Variants in USP50 observed in about 807,000 individuals in gnomAD.
The protein encoded by USP50 is ubiquitin carboxyl-terminal hydrolase 50.
In USP50, 37 loss-of-function variants were observed where a neutral mutation model predicts 39.2. That is an observed-to-expected ratio of 0.94 (90% CI 0.73 to 1.24). The LOEUF (loss-of-function observed/expected upper bound fraction) is 1.24, where lower values mean the gene tolerates loss of function less well. Ranked by LOEUF, USP50 falls within the 50% of genes most tolerant of loss-of-function variation. The probability of loss-of-function intolerance (pLI) is 0.00; values close to 1 mark genes in which losing one functional copy is unlikely to be tolerated. For synonymous variants in USP50, 139 were observed against 144.5 expected (o/e 0.96, Z 0.27); for missense variants, 374 against 398.2 (o/e 0.94, Z 0.52).
intron 6 of USP50, chr15:50,508,069 C>CAAAAAAAAAAA: frequency 1.5e-5 from 1 of 66,724 alleles, no homozygotes; most frequent in Non-Finnish European, 2.7e-5. Flanking sequence ...GACTCTGTCT[C>CAAAAAAAAAAA]AAAAAAAAAA....
At chr15:50,504,787 G>C (rs1371780894) in intron 6 of USP50, 1 of 151,516 alleles carries the variant, frequency 6.6e-6, no homozygotes, top group African/African-American at 2.4e-5. Flanking sequence ...AGACCAACCT[G>C]GTACACATGG....
chr15:50,519,334 A>G (rs1467467268), intron 6 of USP50, among the ~76,000 whole-genome samples: 3 of 152,084 alleles, frequency 2.0e-5, no homozygotes, highest in Non-Finnish European at 4.4e-5. Flanking sequence ...AAAGGACATG[A>G]ATACACATTT....
At chr15:50,494,843 C>T (rs1055116477) in intron 1 of USP50, among the ~76,000 whole-genome samples, 1 of 151,970 alleles carries the variant, frequency 6.6e-6, no homozygotes, top group African/African-American at 2.4e-5. Context: ...GGCAAAACCT[C>T]GTCTCTACTA....
chr15:50,496,130 C>A (rs536178266), downstream of USP50: 7 of 1,430,286 alleles, frequency 4.9e-6, no homozygotes, highest in African/African-American at 8.5e-5. Flanking sequence ...GATAAAAATG[C>A]TGTTTTTATG....
intron 6 of USP50, among the ~76,000 whole-genome samples, chr15:50,514,809 T>G (rs1406146204): frequency 6.6e-6 from 1 of 151,912 alleles, no homozygotes; most frequent in Non-Finnish European, 1.5e-5. Context: ...ATTACAGGCG[T>G]GAGCCACCAC....
intron 6 of USP50, among the ~76,000 whole-genome samples, chr15:50,524,201 G>A (rs1187563832): frequency 2.6e-5 from 4 of 152,180 alleles, no homozygotes; most frequent in East Asian, 1.9e-4. Flanking sequence ...GCTACACAGC[G>A]TTGGCCTAGA....
intron 6 of USP50, among the ~76,000 whole-genome samples, chr15:50,525,808 ATTAATG>A (rs1389777298): frequency 0.08 from 2,542 of 31,736 alleles, 80 homozygotes; most frequent in African/African-American, 0.22. Context: ...TAAAAATAAT[ATTAATG>A]AGTTTAAAAG....
At position 50,531,799 on chromosome 15, in the gene USP50, C is replaced by T. The variant is rs541006277; in HGVS notation, c.804-1870G>A. ...GAGACATCTAGTTTTCAGTTCAACACGTAAGGAAACTTTGAAGTCACCATT... is the reference window on the plus strand; with the variant it reads ...GAGACATCTAGTTTTCAGTTCAACATGTAAGGAAACTTTGAAGTCACCATT... On this transcript the variant is annotated intron_variant, in intron 5 of 6. Coordinates refer to ENST00000532404, the MANE Select transcript of USP50 (RefSeq NM_203494.5). Among the ~76,000 whole-genome samples the T allele has an allele frequency of 2.6e-5, 4 of 152,224 alleles. No homozygotes were observed. The South Asian group carries it at 6.2e-4, about 24-fold the overall frequency.
rs377262490 is a variant in USP50, at chr15:50,545,908, G to A, written c.53+565C>T. Among the ~76,000 whole-genome samples the A allele has an allele frequency of 1.0e-3, 155 of 151,360 alleles. 4 individuals are homozygous for A. In the South Asian group the frequency reaches 0.025, roughly 24 times the overall value. ...CATGCAAGCTACTTGACACAGGTTC[G>A]TCTAAATGACAACTGAAAAATTTTT... On this transcript the variant is annotated intron_variant, in intron 1 of 6. Transcript: ENST00000532404.
At chr15:50,500,873 A>G in intron 6 of USP50, 36 bp from the exon 7 acceptor site, 1 of 1,497,464 alleles carries the variant, frequency 6.7e-7, no homozygotes, top group East Asian at 2.4e-5. Flanking sequence ...TAGTATTCAC[A>G]TATGAACACT....
chr15:50,495,793 A>C, downstream of USP50: 2 of 1,386,032 alleles, frequency 1.4e-6, no homozygotes, highest in Non-Finnish European at 2.0e-6. Context: ...TATTCTTTCA[A>C]TTTAAATGTT....
rs1161864798 is a variant in USP50, at chr15:50,500,681, A to G, written c.*88T>C. On this transcript the variant is annotated 3_prime_UTR_variant, in exon 7 of 7. Transcript: ENST00000532404. Reference sequence around the variant, plus strand: ...TAACGCTTTTGTATTGGTATGGAAAAGGGCTGGCAGCTATAGAACAGGAGA... The same window carrying G: ...TAACGCTTTTGTATTGGTATGGAAAGGGGCTGGCAGCTATAGAACAGGAGA... 3.1e-6 allele frequency: 4 copies of G among 1,298,252 alleles called. No homozygotes were observed. The African/African-American group carries it at 4.4e-5, about 14-fold the overall frequency. 80.4% of individuals were successfully genotyped at this position (1,298,252 alleles called of 1,614,324 possible). A position where few individuals can be genotyped will look rare whatever the true frequency, so the allele number is the denominator to read the frequency against.
chr15:50,532,036 ACCT>A (rs2052944042), intron 5 of USP50: 1 of 433,788 alleles, frequency 2.3e-6, no homozygotes, highest in Admixed American at 2.6e-5. Context: ...CCGAGCAGAA[ACCT>A]CTGAGGGAAC....
downstream of USP50, chr15:50,497,190 A>T: frequency 6.2e-7 from 1 of 1,611,260 alleles, no homozygotes; most frequent in Non-Finnish European, 8.5e-7. Context: ...AAAAGATAGA[A>T]ATCTGGAAGT....
chr15:50,535,014 A>C (rs1441943632), intron 5 of USP50, among the ~76,000 whole-genome samples: 1 of 151,854 alleles, frequency 6.6e-6, no homozygotes, highest in African/African-American at 2.4e-5. Flanking sequence ...GGTGGCACGC[A>C]CCTGTAATCC....
chr15:50,497,410 C>A, downstream of USP50: 1 of 553,780 alleles, frequency 1.8e-6, no homozygotes, highest in Non-Finnish European at 2.8e-6. Flanking sequence ...TCAGTGTTTT[C>A]AGTACCACAG....
intron 5 of USP50, among the ~76,000 whole-genome samples, chr15:50,533,958 C>A (rs937108936): frequency 2.0e-5 from 3 of 152,078 alleles, no homozygotes; most frequent in African/African-American, 7.2e-5. Flanking sequence ...CGAGATCATG[C>A]CACTGCCCTC....
At chr15:50,515,321 A>G (rs1237709883) in intron 6 of USP50, among the ~76,000 whole-genome samples, 1 of 152,112 alleles carries the variant, frequency 6.6e-6, no homozygotes, top group Admixed American at 6.6e-5. Context: ...GGCTCACTGC[A>G]ACCTCTGCCT....
downstream of USP50, chr15:50,498,774 T>TA: frequency 1.9e-6 from 3 of 1,567,190 alleles, no homozygotes; most frequent in Non-Finnish European, 2.6e-6. Flanking sequence ...AAAGCAAGTT[T>TA]AAAAAAAGTT....
Sources: allele counts gnomAD v4.1 joint callset (sites outside exome capture counted in the v4.1 genomes callset), GRCh38; gene constraint gnomAD v4.1.1; transcripts MANE v1.5; gene names NCBI Gene and HGNC (gene_info 2026-07-23, HGNC 2026-07-21).